Variants in KERA observed in about 807,000 individuals in gnomAD.
KERA encodes the protein keratocan, also known as keratan sulfate proteoglycan keratocan.
Under a neutral mutation model 26.4 loss-of-function variants are expected in KERA, and 25 were observed. That is an observed-to-expected ratio of 0.95 (90% CI 0.69 to 1.32). KERA has a LOEUF of 1.32. Among genes scored for constraint, KERA ranks in the 40% most tolerant of loss-of-function variants. The pLI, the probability that KERA is intolerant of heterozygous loss-of-function variation, is 0.00. For synonymous variants in KERA, 167 were observed against 146.1 expected (o/e 1.14, Z -1.03); for missense variants, 434 against 408.9 (o/e 1.06, Z -0.53).
At chr12:91,056,959 T>TTCTCTCTCTCTCTCCCTTTCTC (rs1879022415) in intron 1 of KERA, among the ~76,000 whole-genome samples, 1 of 149,062 alleles carries the variant, frequency 6.7e-6, no homozygotes, top group Admixed American at 6.7e-5. Flanking sequence ...GAATTATCAA[T>TTCTCTCTCTCTCTCCCTTTCTC]TCTCTCTCTC....
chr12:91,053,214 A>G (rs555622647), intron 2 of KERA, among the ~76,000 whole-genome samples: 1 of 151,508 alleles, frequency 6.6e-6, no homozygotes, highest in South Asian at 2.1e-4. Context: ...AAACTCTTAT[A>G]TTTATTTTCT....
Position 91,055,831 on chromosome 12 carries a change from T to C in KERA, c.451A>G (p.Arg151Gly). 6.2e-7 allele frequency: 1 copy of C among 1,611,340 alleles called. No individual in the cohort carries two copies. Among genetic ancestry groups the C allele is most frequent in the Non-Finnish European group, 8.5e-7 (1 of 1,178,208 alleles). ...PRSLEQLQLA[R>G]NKVSRIPQGT... ...TGAGGAATTCTGGACACCTTATTTC[T>C]AGCTAATTGTAATTGTTCTAAACTT... is the stretch of plus-strand genomic sequence containing the variant. The change falls in exon 2 of 3, where the codon AGA becomes GGA. Residue 151 changes from arginine to glycine, a missense_variant. Transcript: ENST00000266719.
rs1878858770 is a variant in KERA, at chr12:91,051,277, A to G, written c.*69T>C. On this transcript the variant is annotated 3_prime_UTR_variant, in exon 3 of 3. Coordinates refer to ENST00000266719, the MANE Select transcript of KERA (RefSeq NM_007035.4). ...GGAATATGACTTGTGTCCTAAACCT[A>G]TTAATGGTAACCACATTTCATGTCA... is the stretch of plus-strand genomic sequence containing the variant. 3.8e-6 allele frequency: 5 copies of G among 1,302,238 alleles called. No homozygotes were observed. Among genetic ancestry groups the G allele is most frequent in the African/African-American group, 2.9e-5 (2 of 68,582 alleles). The allele number at this position is 1,302,238 out of a possible 1,614,324, so 80.7% of individuals were successfully genotyped here. A position where few individuals can be genotyped will look rare whatever the true frequency, so the allele number is the denominator to read the frequency against.
intron 2 of KERA, among the ~76,000 whole-genome samples, chr12:91,052,231 C>G (rs1040029781): frequency 6.6e-6 from 1 of 151,476 alleles, no homozygotes; most frequent in Non-Finnish European, 1.5e-5. Context: ...GTGCACCTGC[C>G]TTGGATCAAA....
At position 91,057,813 on chromosome 12, in the gene KERA, A is replaced by G. The variant is rs1307124549; in HGVS notation, c.-78T>C. The G allele has an allele frequency of 8.6e-6, 1 of 116,122 alleles. No homozygotes were observed. The highest frequency in any genetic ancestry group is 1.8e-5 in the Non-Finnish European group (1 of 55,924). The allele number at this position is 116,122 out of a possible 1,614,324, so 7.2% of individuals were successfully genotyped here. A position where few individuals can be genotyped will look rare whatever the true frequency, so the allele number is the denominator to read the frequency against. Reference sequence around the variant, plus strand: ...AGGTTTGCTAAAAATCAGTTAAGAGAAAAAAAAAAACTTTGACGAAAATAA... The same window carrying G: ...AGGTTTGCTAAAAATCAGTTAAGAGGAAAAAAAAAACTTTGACGAAAATAA... On this transcript the variant is annotated 5_prime_UTR_variant, in exon 1 of 3. Transcript: ENST00000266719.
At chr12:91,051,572 G>T in intron 2 of KERA, 54 bp from the exon 3 acceptor site, 1 of 1,354,570 alleles carries the variant, frequency 7.4e-7, no homozygotes, top group Non-Finnish European at 1.1e-6. Flanking sequence ...GAAACTAACA[G>T]TGGGAAGACC....
chr12:91,056,287 C>T lies in KERA; in HGVS notation c.-6G>A. On this transcript the variant is annotated splice_region_variant and 5_prime_UTR_variant, in exon 2 of 3. Transcript: ENST00000266719. The stretch of plus-strand genomic sequence containing the variant: ...AAACAGATTGTGCCTGCCATTATAG[C>T]ACCTACAGAAAAAGGAACACAACTG... 32 of 1,606,952 alleles carry T rather than the reference C, an allele frequency of 2.0e-5. No homozygotes were observed. Among genetic ancestry groups the T allele is most frequent in the Non-Finnish European group, 2.6e-5 (31 of 1,175,596 alleles).
intron 2 of KERA, among the ~76,000 whole-genome samples, chr12:91,052,815 C>T (rs1459051400): frequency 6.6e-6 from 1 of 151,468 alleles, no homozygotes; most frequent in East Asian, 1.9e-4. Context: ...ATGTCCCTTT[C>T]GATGTGCAAT....
chr12:91,056,065 T>A lies in KERA; in HGVS notation c.217A>T (p.Ile73Phe). The A allele has an allele frequency of 1.2e-6, 2 of 1,608,228 alleles. No individual in the cohort carries two copies. Among genetic ancestry groups the A allele is most frequent in the South Asian group, 2.2e-5 (2 of 90,382 alleles). ...LKEIPAIPSR[I>F]WYLYLQNNLI... is the part of the protein sequence containing the mutation. ...TTGTTTTGAAGATAAAGATACCAAA[T>A]TCTTGAAGGAATAGCAGGAATTTCT... is the stretch of plus-strand genomic sequence containing the variant. The change falls in exon 2 of 3, where the codon ATT becomes TTT. Residue 73 changes from isoleucine (I) to phenylalanine (F), a missense_variant. Transcript: ENST00000266719.
chr12:91,054,807 G>A (rs994010565), intron 2 of KERA, among the ~76,000 whole-genome samples: 4 of 151,122 alleles, frequency 2.6e-5, no homozygotes, highest in African/African-American at 7.3e-5. Flanking sequence ...AACATCAACT[G>A]GACGGCTGTT....
Position 91,054,847 on chromosome 12 carries a change from C to T in KERA, c.886+549G>A, listed in dbSNP as rs549002815. On this transcript the variant is annotated intron_variant, in intron 2 of 2. Transcript: ENST00000266719. The stretch of plus-strand genomic sequence containing the variant: ...ATGAAAATTCTCAAGTCTCACTCCA[C>T]ATCTACTGAATCAGAAATTCTGGGG... Among the ~76,000 whole-genome samples the T allele has an allele frequency of 2.6e-5, 4 of 151,348 alleles. No homozygotes were observed. The East Asian group carries it at 5.8e-4, about 22-fold the overall frequency.
rs751108439 is a variant in KERA, at chr12:91,055,837, A to G, written c.445T>C (p.Leu149=). 37 of 1,611,226 alleles carry G rather than the reference A, an allele frequency of 2.3e-5. 1 individual carries two copies. The highest frequency in any genetic ancestry group is 5.0e-5 in the Admixed American group (3 of 59,730). The change falls in exon 2 of 3, where the codon TTA becomes CTA. Residue 149 remains leucine, a synonymous_variant. Transcript: ENST00000266719. ...ATTCTGGACACCTTATTTCTAGCTA[A>G]TTGTAATTGTTCTAAACTTCTTGGC... ...PLPRSLEQLQ[L]ARNKVSRIPQ...
rs141750322 is a variant in KERA, at chr12:91,050,945, G to T, written c.*401C>A. ...TTTATTTTCTCATTTTCTTCAGGTCGTTATCCTCCTGTTTGATTATTACAT... is the reference window on the plus strand; with the variant it reads ...TTTATTTTCTCATTTTCTTCAGGTCTTTATCCTCCTGTTTGATTATTACAT... On this transcript the variant is annotated 3_prime_UTR_variant, in exon 3 of 3. Coordinates refer to ENST00000266719, the MANE Select transcript of KERA (RefSeq NM_007035.4). 40 of 167,362 alleles carry T rather than the reference G, an allele frequency of 2.4e-4. No individual in the cohort carries two copies. Among genetic ancestry groups the T allele is most frequent in the African/African-American group, 7.7e-4 (32 of 41,636 alleles). The allele number at this position is 167,362 out of a possible 1,614,324, so 10.4% of individuals were successfully genotyped here.
At chr12:91,055,230 G>C (rs1165198450) in intron 2 of KERA, among the ~76,000 whole-genome samples, 166 bp downstream of exon 2, 1 of 151,028 alleles carries the variant, frequency 6.6e-6, no homozygotes, top group Non-Finnish European at 1.5e-5. Flanking sequence ...CATTAAGACT[G>C]TCTGCGTATA....
Position 91,055,386 on chromosome 12 carries a change from G to T in KERA, c.886+10C>A. On this transcript the variant is annotated intron_variant, in intron 2 of 2. Transcript: ENST00000266719. ...CCTTTAGTCAAAGACATACTCTGCA[G>T]GTTACTTACTTTTAATTTTGTTATG... 6.2e-7 allele frequency: 1 copy of T among 1,607,604 alleles called. No homozygotes were observed. Among genetic ancestry groups the T allele is most frequent in the Non-Finnish European group, 8.5e-7 (1 of 1,175,230 alleles).
Position 91,055,704 on chromosome 12 carries a change from T to C in KERA, c.578A>G (p.Asn193Ser), listed in dbSNP as rs1224571319. ...FQRDTFKGLKNLMQLNMAKNA... is the reference protein window; with the variant it reads ...FQRDTFKGLKSLMQLNMAKNA... ...CTTGGCCATGTTTAGCTGCATGAGA[T>C]TCTTGAGTCCTTTAAAAGTGTCTCT... Residue 193 changes from asparagine to serine, a missense_variant, in exon 2 of 3, where the codon AAT becomes AGT. Transcript: ENST00000266719. The C allele has an allele frequency of 6.2e-7, 1 of 1,611,458 alleles. No individual in the cohort carries two copies. The highest frequency in any genetic ancestry group is 1.1e-5 in the South Asian group (1 of 91,038).
intron 2 of KERA, among the ~76,000 whole-genome samples, 190 bp from the exon 3 acceptor site, chr12:91,051,708 A>G (rs546684792): frequency 1.2e-3 from 175 of 151,758 alleles, no homozygotes; most frequent in Non-Finnish European, 1.8e-3. Flanking sequence ...AAGTTCAGCA[A>G]ACTTAACAGT....
intron 2 of KERA, 149 bp downstream of exon 2, chr12:91,055,247 A>G: frequency 1.3e-6 from 1 of 744,622 alleles, no homozygotes; most frequent in Non-Finnish European, 2.2e-6. Context: ...TATAGACAAA[A>G]TTTAATACTG....
intron 2 of KERA, 37 bp downstream of exon 2, chr12:91,055,359 G>T (rs201883047): frequency 6.2e-4 from 971 of 1,556,414 alleles, no homozygotes; most frequent in Non-Finnish European, 8.0e-4. Context: ...ATGACCATGA[G>T]CCCTTTAGTC....
Sources: allele counts gnomAD v4.1 joint callset (sites outside exome capture counted in the v4.1 genomes callset), GRCh38; gene constraint gnomAD v4.1.1; transcripts MANE v1.5; gene names NCBI Gene and HGNC (gene_info 2026-07-23, HGNC 2026-07-21).